Variants in GPRC6A observed in about 807,000 individuals in gnomAD.
GPRC6A encodes the protein G protein-coupled receptor family C group 6 member A.
GPRC6A carries 54 observed loss-of-function variants against 47.0 expected under a neutral mutation model. The ratio of observed to expected loss-of-function variants is 1.15; its 90% confidence interval spans 0.92 to 1.44. GPRC6A has a LOEUF of 1.44. GPRC6A is among the 40% of genes most tolerant of loss of function. The probability of loss-of-function intolerance (pLI) is 0.00; values close to 1 mark genes in which losing one functional copy is unlikely to be tolerated. For missense variants in GPRC6A, 1,112 were observed against 1,105.5 expected (o/e 1.01, Z -0.08); for synonymous variants, 347 against 377.1 (o/e 0.92, Z 0.93).
At chr6:116,810,141 A>G (rs1772978583) in intron 1 of GPRC6A, among the ~76,000 whole-genome samples, 1 of 152,104 alleles carries the variant, frequency 6.6e-6, no homozygotes, top group South Asian at 2.1e-4. Flanking sequence ...TACATTTTTT[A>G]TACATCTTGA....
intron 1 of GPRC6A, among the ~76,000 whole-genome samples, chr6:116,818,046 C>T (rs1047720029): frequency 6.6e-6 from 1 of 152,086 alleles, no homozygotes; most frequent in Non-Finnish European, 1.5e-5. Flanking sequence ...CAAAGATACT[C>T]CTCGAGAAGA....
In GPRC6A at chr6:116,792,522, T is replaced by G. The variant is rs1488846470; in HGVS notation, c.2401A>C (p.Ile801Leu). The G allele has an allele frequency of 6.2e-7, 1 of 1,613,796 alleles. No homozygotes were observed. Among genetic ancestry groups the G allele is most frequent in the South Asian group, 1.1e-5 (1 of 91,030 alleles). ...TATTTGCCAAATGTGGTAGCATAGA[T>G]AGGGATGAATGTGATCCAAGCTATG... The part of the protein sequence containing the change: ...YFIAWITFIP[I>L]YATTFGKYVP... The change falls in exon 6 of 6, where the codon ATC becomes CTC. Residue 801 changes from isoleucine to leucine, a missense_variant. By Grantham distance (5) the Ile-to-Leu change is conservative. Coordinates refer to ENST00000310357, the MANE Select transcript of GPRC6A (RefSeq NM_148963.4).
chr6:116,800,519 A>G, intron 4 of GPRC6A, 65 bp downstream of exon 4: 1 of 993,512 alleles, frequency 1.0e-6, no homozygotes, highest in Non-Finnish European at 1.6e-6. Context: ...AGTGGGGGCC[A>G]AGGACTTTTG....
intron 3 of GPRC6A, among the ~76,000 whole-genome samples, chr6:116,805,193 G>T (rs951839398): frequency 1.3e-5 from 2 of 151,832 alleles, no homozygotes; most frequent in African/African-American, 4.8e-5. Flanking sequence ...TTGAGAAAAG[G>T]TCCTAATCTC....
chr6:116,829,148 A>G, upstream of GPRC6A: 1 of 932,526 alleles, frequency 1.1e-6, no homozygotes, highest in Non-Finnish European at 1.5e-6. Context: ...AACACTCAGT[A>G]TTCAGATACT....
chr6:116,810,718 CCT>C (rs979998308), intron 1 of GPRC6A, among the ~76,000 whole-genome samples: 39 of 151,084 alleles, frequency 2.6e-4, no homozygotes, highest in African/African-American at 8.7e-4. Context: ...CAATAATATC[CCT>C]CTTTATTAAA....
rs777273960 is a variant in GPRC6A, at chr6:116,792,917, C to G, written c.2006G>C (p.Ser669Thr). Residue 669 changes from serine to threonine, a missense_variant, in exon 6 of 6, where the codon AGC (serine) becomes ACC (threonine). Ser to Thr is a moderately conservative substitution (Grantham distance 58, BLOSUM62 1). Coordinates refer to ENST00000310357, the MANE Select transcript of GPRC6A (RefSeq NM_148963.4). ...CKTRQTMFGV[S>T]FTLCISCILT... is the part of the protein sequence containing the mutation. Reference sequence around the variant, plus strand: ...AATGCAGGAGATGCAAAGAGTAAAGCTCACTCCAAACATTGTCTGCCTGGT... The same window carrying G: ...AATGCAGGAGATGCAAAGAGTAAAGGTCACTCCAAACATTGTCTGCCTGGT... The G allele has an allele frequency of 6.2e-7, 1 of 1,614,086 alleles. No homozygotes were observed. Among genetic ancestry groups the G allele is most frequent in the Admixed American group, 1.7e-5 (1 of 59,988 alleles).
In GPRC6A at chr6:116,806,506, T is replaced by A. The variant is rs1263954596; in HGVS notation, c.1199A>T (p.Asn400Ile). The A allele has an allele frequency of 6.2e-7, 1 of 1,613,618 alleles. No individual in the cohort carries two copies. The highest frequency in any genetic ancestry group is 8.5e-7 in the Non-Finnish European group (1 of 1,179,750). ...CTCAGCATAGTCCCAGAGGAAGTCA[T>A]TTCTCATGACGAAGTTCCTTTCTAT... The part of the protein sequence containing the change: ...KAIERNFVMR[N>I]DFLWDYAEPG... Residue 400 changes from asparagine to isoleucine, a missense_variant, in exon 3 of 6, where the codon AAT becomes ATT. Transcript: ENST00000310357.
rs1772854010 is a variant in GPRC6A, at chr6:116,806,748, C to G, written c.957G>C (p.Lys319Asn). ...AGGCAAACCCTACAACTTTGCCAAT[C>G]TTTTTAACATTAGGAATGGTGGTAA... ...TKITTIPNVK[K>N]IGKVVGFAFR... Residue 319 changes from lysine (K) to asparagine (N), a missense_variant, in exon 3 of 6, where the codon AAG becomes AAC. Lys to Asn is a moderately conservative substitution (Grantham distance 94, BLOSUM62 0). Transcript: ENST00000310357. The G allele has an allele frequency of 6.2e-7, 1 of 1,613,466 alleles. No homozygotes were observed. The highest frequency in any genetic ancestry group is 1.3e-5 in the African/African-American group (1 of 74,860).
At chr6:116,797,154 A>G (rs1378414573) in intron 4 of GPRC6A, among the ~76,000 whole-genome samples, 1 of 151,584 alleles carries the variant, frequency 6.6e-6, no homozygotes, top group South Asian at 2.1e-4. Context: ...TGTTCTTGCG[A>G]TAGTTTACTG....
rs750246384 is a variant in GPRC6A at position 116,800,839 on chromosome 6, T to G, written c.1336-43A>C. On this transcript the variant is annotated intron_variant, in intron 3 of 5. Coordinates refer to ENST00000310357, the MANE Select transcript of GPRC6A (RefSeq NM_148963.4). ...AGAGATAAGCACTTAATATAAATGT[T>G]GCAAATGTATCCATTATTCTAATGA... is the stretch of plus-strand genomic sequence containing the variant. 29 of 1,180,408 alleles carry G rather than the reference T, an allele frequency of 2.5e-5. 1 individual carries two copies. The South Asian group carries it at 3.4e-4, about 14-fold the overall frequency. 73.1% of individuals were successfully genotyped at this position (1,180,408 alleles called of 1,614,324 possible). A position where few individuals can be genotyped will look rare whatever the true frequency, so the allele number is the denominator to read the frequency against.
intron 5 of GPRC6A, among the ~76,000 whole-genome samples, chr6:116,795,052 G>A (rs1395719659): frequency 6.6e-6 from 1 of 152,086 alleles, no homozygotes; most frequent in Non-Finnish European, 1.5e-5. Flanking sequence ...TTAACTCCAG[G>A]GAAAGTGCTC....
chr6:116,792,546 T>C lies in GPRC6A; in HGVS notation c.2377A>G (p.Ile793Val). The C allele has an allele frequency of 6.2e-7, 1 of 1,613,174 alleles. No individual in the cohort carries two copies. The highest frequency in any genetic ancestry group is 2.2e-5 in the East Asian group (1 of 44,862). The change falls in exon 6 of 6, where the codon ATA becomes GTA. Residue 793 changes from isoleucine to valine, a missense_variant. Coordinates refer to ENST00000310357, the MANE Select transcript of GPRC6A (RefSeq NM_148963.4). Reference protein sequence around the residue: ...FITFGMLIYFIAWITFIPIYA... With the variant: ...FITFGMLIYFVAWITFIPIYA... Reference sequence around the variant, plus strand: ...ATAGGGATGAATGTGATCCAAGCTATGAAGTAAATGAGCATGCCAAATGTA... The same window carrying C: ...ATAGGGATGAATGTGATCCAAGCTACGAAGTAAATGAGCATGCCAAATGTA...
In GPRC6A at chr6:116,806,730, C is replaced by A; in HGVS notation, c.975G>T (p.Gly325=). 6.2e-7 allele frequency: 1 copy of A among 1,613,252 alleles called. No homozygotes were observed. The highest frequency in any genetic ancestry group is 1.7e-4 in the Middle Eastern group (1 of 6,056). ...ATATATTCCCTCTTCTAAAGGCAAA[C>A]CCTACAACTTTGCCAATCTTTTTAA... ...PNVKKIGKVV[G]FAFRRGNISS... The change falls in exon 3 of 6, where the codon GGG becomes GGT. Residue 325 remains glycine, a synonymous_variant. Coordinates refer to ENST00000310357, the MANE Select transcript of GPRC6A (RefSeq NM_148963.4).
At chr6:116,799,576 A>G (rs774721023) in intron 4 of GPRC6A, among the ~76,000 whole-genome samples, 6 of 152,200 alleles carry the variant, frequency 3.9e-5, no homozygotes, top group Non-Finnish European at 8.8e-5. Flanking sequence ...AACAATTTCG[A>G]TGGATTGAAG....
At chr6:116,823,715 G>T (rs1410415055) in intron 1 of GPRC6A, among the ~76,000 whole-genome samples, 1 of 152,074 alleles carries the variant, frequency 6.6e-6, no homozygotes, top group East Asian at 1.9e-4. Context: ...AAGAAAAGAG[G>T]TTTAATTGGC....
intron 1 of GPRC6A, among the ~76,000 whole-genome samples, chr6:116,825,688 A>AT (rs1263511642): frequency 6.6e-6 from 1 of 151,880 alleles, no homozygotes; most frequent in Admixed American, 6.6e-5. Flanking sequence ...TGTCAACATC[A>AT]TTTTTCACAG....
chr6:116,816,171 C>G (rs544936449), intron 1 of GPRC6A, among the ~76,000 whole-genome samples: 1 of 152,352 alleles, frequency 6.6e-6, no homozygotes, highest in Admixed American at 6.5e-5. Flanking sequence ...AGTGTCTTAA[C>G]TAATTCTAGC....
intron 1 of GPRC6A, among the ~76,000 whole-genome samples, chr6:116,821,397 G>A (rs981289925): frequency 7.9e-4 from 120 of 152,058 alleles, no homozygotes; most frequent in African/African-American, 2.4e-3. Context: ...AGCCCGCATC[G>A]CCAAGTCAAT....
Sources: gnomAD v4.1 joint callset for allele counts (sites outside exome capture counted in the v4.1 genomes callset) on GRCh38, gnomAD v4.1.1 for gene constraint, MANE v1.5 for transcripts, NCBI Gene and HGNC (gene_info 2026-07-23, HGNC 2026-07-21) for gene names.